RYR2: variants seen among roughly 807,000 people sequenced by gnomAD.
The protein encoded by RYR2 is cardiac muscle ryanodine receptor-calcium release channel.
Under a neutral mutation model 601.1 loss-of-function variants are expected in RYR2, and 227 were observed. The ratio of observed to expected loss-of-function variants is 0.38; its 90% CI spans 0.34 to 0.42. RYR2 has a LOEUF of 0.42. Among genes scored for constraint, RYR2 ranks in the 10% least tolerant of loss-of-function variants. The pLI is 1.00. For synonymous variants in RYR2, 2,223 were observed against 2,175.1 expected (o/e 1.02, Z -0.61); for missense variants, 4,646 against 6,156.5 (o/e 0.75, Z 8.21).
intron 1 of RYR2, among the ~76,000 whole-genome samples, chr1:237,268,950 A>AAAAAAAAAAAC (rs1689378938): frequency 2.8e-5 from 3 of 107,150 alleles, no homozygotes; most frequent in Non-Finnish European, 6.3e-5. Flanking sequence ...AAAAAAAAAA[A>AAAAAAAAAAAC]AAAAAAAAAA....
Position 237,638,633 on chromosome 1 carries a change from T to TA in RYR2, c.6928+143dup, listed in dbSNP as rs370926724. 9.0e-5 allele frequency: 82 copies of TA among 907,248 alleles called. No homozygotes were observed. In the African/African-American group the frequency reaches 1.3e-3, roughly 15 times the overall value. The allele number at this position is 907,248 out of a possible 1,614,324, so 56.2% of individuals were successfully genotyped here. On this transcript the variant is annotated intron_variant, in intron 45 of 104. Coordinates refer to ENST00000366574, the MANE Select transcript of RYR2 (RefSeq NM_001035.3). ...TATAATCGATAGGGGTTTTTCACAG[T>TA]AACCACTTATAATACAATATTTGTT...
rs1254311078 is a variant in RYR2 at position 237,234,018 on chromosome 1, TC to T, written c.49-36478del. 4.6e-5 allele frequency among the ~76,000 whole-genome samples: 7 copies of T among 151,980 alleles called. No individual in the cohort carries two copies. The South Asian group carries it at 1.4e-3, about 31-fold the overall frequency. Reference sequence around the variant, plus strand: ...ACAATGTCTTGAAATTAGTCAAGGGTCAAATTTTTGAGGACCTTTAAGATAT... The same window carrying T: ...ACAATGTCTTGAAATTAGTCAAGGGTAAATTTTTGAGGACCTTTAAGATAT... On this transcript the variant is annotated intron_variant, in intron 1 of 104. Coordinates refer to ENST00000366574, the MANE Select transcript of RYR2 (RefSeq NM_001035.3).
chr1:237,743,733 GA>G (rs1463165865), intron 80 of RYR2: 1 of 451,130 alleles, frequency 2.2e-6, no homozygotes, highest in Non-Finnish European at 4.5e-6. Flanking sequence ...AGGAGGTCTT[GA>G]AAATCTTTCT....
In RYR2 at chr1:237,417,312, G is replaced by C. The variant is rs6673187; in HGVS notation, c.848+189G>C. Among the ~76,000 whole-genome samples, 124,137 of 151,634 alleles carry C rather than the reference G, an allele frequency of 0.82. 51,366 individuals are homozygous for C. Among genetic ancestry groups the C allele is most frequent in the East Asian group, 1 (5,144 of 5,150 alleles). ...CTACCTTTATCATTCCTTAGCCTCA[G>C]TTCACCAGCTAGCAAACCTGAGAAA... On this transcript the variant is annotated intron_variant, in intron 11 of 104. Coordinates refer to ENST00000366574, the MANE Select transcript of RYR2 (RefSeq NM_001035.3).
At chr1:237,803,525 C>T (rs1311419478) in intron 98 of RYR2, among the ~76,000 whole-genome samples, 3 of 152,158 alleles carry the variant, frequency 2.0e-5, no homozygotes, top group Non-Finnish European at 4.4e-5. Flanking sequence ...TGGTCTCGAT[C>T]TCCTGACCTC....
At chr1:237,586,596 G>T (rs1437365417) in intron 29 of RYR2, among the ~76,000 whole-genome samples, 1 of 152,162 alleles carries the variant, frequency 6.6e-6, no homozygotes, top group Non-Finnish European at 1.5e-5. Context: ...ATATCTGTCT[G>T]CCATCTTCTT....
chr1:237,615,740 T>A (rs1421374997), intron 37 of RYR2, among the ~76,000 whole-genome samples: 1 of 152,174 alleles, frequency 6.6e-6, no homozygotes. Flanking sequence ...AAATATACAC[T>A]CATTTATGCA....
At chr1:237,425,274 A>G (rs1036885784) in intron 12 of RYR2, among the ~76,000 whole-genome samples, 2 of 152,096 alleles carry the variant, frequency 1.3e-5, no homozygotes, top group African/African-American at 2.4e-5. Flanking sequence ...TGCTGTGTAA[A>G]CGCACACAAC....
At chr1:237,631,886 C>CGA (rs1558099311) in intron 42 of RYR2, among the ~76,000 whole-genome samples, 1 of 6,586 alleles carries the variant, frequency 1.5e-4, no homozygotes, top group Non-Finnish European at 3.5e-4. Context: ...CCTTGGCCTC[C>CGA]CCTCCCGAAG....
rs899572564 is a variant in RYR2, at chr1:237,473,101, A to T, written c.1708+3914A>T. On this transcript the variant is annotated intron_variant, in intron 17 of 104. Coordinates refer to ENST00000366574, the MANE Select transcript of RYR2 (RefSeq NM_001035.3). ...ACCCGATAGGGCTGTTAGGGGGATT[A>T]AATGATTAATATTTGTAAAGTACAT... is the stretch of plus-strand genomic sequence containing the variant. Among the ~76,000 whole-genome samples, 22 of 152,206 alleles carry T rather than the reference A, an allele frequency of 1.4e-4. No homozygotes were observed. The East Asian group carries it at 2.1e-3, about 15-fold the overall frequency.
At chr1:237,392,516 G>A (rs1702469796) in intron 10 of RYR2, among the ~76,000 whole-genome samples, 1 of 152,046 alleles carries the variant, frequency 6.6e-6, no homozygotes, top group African/African-American at 2.4e-5. Flanking sequence ...CTTGACATTT[G>A]ACTACTAAAT....
intron 16 of RYR2, among the ~76,000 whole-genome samples, chr1:237,466,429 A>AGTACT (rs1660094698): frequency 1.3e-5 from 2 of 152,170 alleles, no homozygotes; most frequent in Admixed American, 1.3e-4. Context: ...TGGCTCCCAA[A>AGTACT]GTACTGGGAT....
chr1:237,382,520 T>TCCCCCC (rs570819650), intron 8 of RYR2, among the ~76,000 whole-genome samples: 1 of 105,904 alleles, frequency 9.4e-6, no homozygotes, highest in African/African-American at 3.6e-5. Flanking sequence ...ATGTTATCCC[T>TCCCCCC]CCCCCCTCCC....
At chr1:237,219,193 T>C (rs1683517433) in intron 1 of RYR2, among the ~76,000 whole-genome samples, 1 of 151,920 alleles carries the variant, frequency 6.6e-6, no homozygotes, top group African/African-American at 2.4e-5. Flanking sequence ...TTTCTTTGTA[T>C]TTTTAGTAGA....
At chr1:237,298,191 G>A (rs1373747114) in intron 2 of RYR2, among the ~76,000 whole-genome samples, 1 of 152,044 alleles carries the variant, frequency 6.6e-6, no homozygotes, top group Non-Finnish European at 1.5e-5. Context: ...ACTCAACCAT[G>A]GGTGCACATT....
intron 4 of RYR2, among the ~76,000 whole-genome samples, chr1:237,363,628 A>C (rs1699966141): frequency 6.6e-6 from 1 of 152,110 alleles, no homozygotes; most frequent in African/African-American, 2.4e-5. Context: ...TCATCTGTGT[A>C]ACTCTCCTAG....
chr1:237,380,130 C>A (rs1212071056), intron 8 of RYR2, among the ~76,000 whole-genome samples: 1 of 151,300 alleles, frequency 6.6e-6, no homozygotes, highest in African/African-American at 2.4e-5. Flanking sequence ...ATTTTACATT[C>A]CCACCATGGT....
chr1:237,155,875 C>A (rs182926736), intron 1 of RYR2, among the ~76,000 whole-genome samples: 1 of 152,168 alleles, frequency 6.6e-6, no homozygotes, highest in Non-Finnish European at 1.5e-5. Flanking sequence ...CATTGTTCAA[C>A]CTCGTCACCA....
chr1:237,330,426 C>T (rs756956206), intron 2 of RYR2, among the ~76,000 whole-genome samples: 17 of 152,300 alleles, frequency 1.1e-4, no homozygotes, highest in Non-Finnish European at 2.1e-4. Flanking sequence ...CTCGCTCTGT[C>T]GCCAGGTCTG....
Sources: allele counts gnomAD v4.1 joint callset (sites outside exome capture counted in the v4.1 genomes callset), GRCh38; gene constraint gnomAD v4.1.1; transcripts MANE v1.5; gene names NCBI Gene and HGNC (gene_info 2026-07-23, HGNC 2026-07-21).